R3HDM2: variants seen among roughly 807,000 people sequenced by gnomAD.
R3HDM2 encodes the protein R3H domain-containing protein 2.
A neutral mutation model predicts 124.5 loss-of-function variants in R3HDM2; 38 were observed. The observed-to-expected ratio is 0.31, with a 90% CI of 0.24 to 0.40. R3HDM2 has a LOEUF of 0.40. Ranked by LOEUF, R3HDM2 falls within the 10% of genes least tolerant of loss-of-function variation. The pLI, the probability that R3HDM2 is intolerant of heterozygous loss-of-function variation, is 1.00. For missense variants in R3HDM2, 869 were observed against 1,236.9 expected (o/e 0.70, Z 4.46); for synonymous variants, 391 against 448.0 (o/e 0.87, Z 1.61).
intron 1 of R3HDM2, chr12:57,418,333 G>C: frequency 9.1e-6 from 9 of 985,296 alleles, no homozygotes; most frequent in Non-Finnish European, 1.1e-5. Flanking sequence ...TTAGTTAACG[G>C]GGCAAGGCCT....
At chr12:57,327,568 G>A (rs1360174325) in intron 2 of R3HDM2, among the ~76,000 whole-genome samples, 1 of 152,110 alleles carries the variant, frequency 6.6e-6, no homozygotes, top group Non-Finnish European at 1.5e-5. Context: ...ACCTGGAAAG[G>A]ATTCACTATT....
At chr12:57,427,625 T>C (rs1463661952) in intron 1 of R3HDM2, among the ~76,000 whole-genome samples, 2 of 151,928 alleles carry the variant, frequency 1.3e-5, no homozygotes, top group South Asian at 2.1e-4. Context: ...GCTGGGACTA[T>C]AGGTGTGAGC....
intron 14 of R3HDM2, among the ~76,000 whole-genome samples, chr12:57,273,357 A>C (rs1032808222): frequency 7.9e-5 from 12 of 152,156 alleles, no homozygotes; most frequent in African/African-American, 2.2e-4. Flanking sequence ...TAAATCAACT[A>C]GTGGGTAGTT....
intron 1 of R3HDM2, among the ~76,000 whole-genome samples, chr12:57,400,364 A>G (rs2067933679): frequency 6.6e-6 from 1 of 150,814 alleles, no homozygotes; most frequent in South Asian, 2.1e-4. Flanking sequence ...GTTCTCACTC[A>G]TAGGTGGGAA....
At chr12:57,369,731 A>G (rs2063092609) in intron 2 of R3HDM2, among the ~76,000 whole-genome samples, 1 of 152,194 alleles carries the variant, frequency 6.6e-6, no homozygotes, top group South Asian at 2.1e-4. Flanking sequence ...GGCAGTAGGA[A>G]CAGTTCGTAA....
At chr12:57,388,844 T>C (rs1256297826) in intron 2 of R3HDM2, among the ~76,000 whole-genome samples, 1 of 151,302 alleles carries the variant, frequency 6.6e-6, no homozygotes, top group East Asian at 1.9e-4. Context: ...TCACTAGCTA[T>C]AAATTAAAGA....
chr12:57,404,522 C>G (rs1318515727), intron 1 of R3HDM2, among the ~76,000 whole-genome samples: 2 of 151,464 alleles, frequency 1.3e-5, no homozygotes, highest in African/African-American at 4.8e-5. Flanking sequence ...ATGGTGAAAC[C>G]TCGTCTCTAT....
At chr12:57,386,477 T>G (rs976833947) in intron 2 of R3HDM2, among the ~76,000 whole-genome samples, 7 of 152,236 alleles carry the variant, frequency 4.6e-5, no homozygotes, top group African/African-American at 1.4e-4. Context: ...TGTGCTCGAC[T>G]TCTTGCCGGG....
In R3HDM2 at chr12:57,417,521, G is replaced by A. The variant is rs187244779; in HGVS notation, c.-106+13199C>T. On this transcript the variant is annotated intron_variant, in intron 1 of 23. Coordinates refer to ENST00000402412, the MANE Select transcript of R3HDM2 (RefSeq NM_001394031.1). ...GGAATAATACAATACTATTCCATGA[G>A]GATTATTATTCTGAGGATTAAATGA... Among the ~76,000 whole-genome samples, 654 of 152,148 alleles carry A rather than the reference G, an allele frequency of 4.3e-3. 5 individuals are homozygous for A. Among genetic ancestry groups the A allele is most frequent in the Non-Finnish European group, 7.6e-3 (515 of 68,014 alleles).
chr12:57,378,784 G>A (rs1277561178), intron 2 of R3HDM2, among the ~76,000 whole-genome samples: 1 of 152,170 alleles, frequency 6.6e-6, no homozygotes, highest in Non-Finnish European at 1.5e-5. Context: ...GTACATCCAT[G>A]TTCATAGCAG....
chr12:57,334,031 C>A (rs887223269), intron 2 of R3HDM2, among the ~76,000 whole-genome samples: 3 of 150,354 alleles, frequency 2.0e-5, no homozygotes, highest in African/African-American at 7.3e-5. Flanking sequence ...AGCGAGACTC[C>A]GTCTCAAAAA....
chr12:57,310,227 A>G (rs1486535386), intron 3 of R3HDM2, 37 bp downstream of exon 3: 3 of 1,447,300 alleles, frequency 2.1e-6, no homozygotes, highest in Middle Eastern at 1.8e-4. Context: ...TAAAGGAAAA[A>G]AAAAAAGTGT....
chr12:57,363,142 C>A (rs2062151367), intron 2 of R3HDM2, among the ~76,000 whole-genome samples: 1 of 152,140 alleles, frequency 6.6e-6, no homozygotes, highest in East Asian at 1.9e-4. Flanking sequence ...TTATTTCTAC[C>A]TAAATTTTGA....
At chr12:57,321,917 G>A (rs1437113434) in intron 2 of R3HDM2, among the ~76,000 whole-genome samples, 2 of 152,084 alleles carry the variant, frequency 1.3e-5, no homozygotes, top group African/African-American at 4.8e-5. Context: ...TGGTTACATG[G>A]GTGAATACAA....
chr12:57,365,935 C>A (rs1264587096), intron 2 of R3HDM2, among the ~76,000 whole-genome samples: 19 of 146,736 alleles, frequency 1.3e-4, no homozygotes, highest in African/African-American at 7.6e-5. Context: ...GACTCCATCT[C>A]AAAAAAAAAA....
chr12:57,344,586 G>GA (rs1196178563), intron 2 of R3HDM2, among the ~76,000 whole-genome samples: 4 of 152,240 alleles, frequency 2.6e-5, no homozygotes, highest in African/African-American at 9.6e-5. Flanking sequence ...AAACATTCTT[G>GA]AAACTAATGA....
intron 2 of R3HDM2, among the ~76,000 whole-genome samples, chr12:57,343,581 A>C (rs1457527498): frequency 6.6e-6 from 1 of 152,062 alleles, no homozygotes; most frequent in African/African-American, 2.4e-5. Flanking sequence ...ATGATCTGCA[A>C]CAGCAAAAAA....
At chr12:57,427,355 C>CT (rs147527242) in intron 1 of R3HDM2, among the ~76,000 whole-genome samples, 11,499 of 140,000 alleles carry the variant, frequency 0.082, 594 homozygotes, top group Middle Eastern at 0.26. Context: ...TCTCCTGAAG[C>CT]TTTTTTTTTT....
At chr12:57,317,481 G>C (rs2055335942) in intron 2 of R3HDM2, among the ~76,000 whole-genome samples, 1 of 152,004 alleles carries the variant, frequency 6.6e-6, no homozygotes, top group South Asian at 2.1e-4. Flanking sequence ...CACCATGACT[G>C]GCTGGAGCCT....
Sources: allele counts gnomAD v4.1 joint callset (sites outside exome capture counted in the v4.1 genomes callset), GRCh38; gene constraint gnomAD v4.1.1; transcripts MANE v1.5; gene names NCBI Gene and HGNC (gene_info 2026-07-23, HGNC 2026-07-21).